Variants in USP42 observed in about 807,000 individuals in gnomAD.
USP42 encodes ubiquitin carboxyl-terminal hydrolase 42.
Under a neutral mutation model 113.0 loss-of-function variants are expected in USP42, and 23 were observed. The observed-to-expected ratio is 0.20, with a 90% CI of 0.15 to 0.29. The LOEUF (loss-of-function observed/expected upper bound fraction) is 0.29, where lower values mean the gene tolerates loss of function less well. USP42 is among the 10% of genes least tolerant of loss of function. The pLI, the probability that USP42 is intolerant of heterozygous loss-of-function variation, is 1.00. For missense variants in USP42, 2,174 were observed against 1,779.8 expected, an observed-to-expected ratio of 1.22 and a Z score of -3.99; for synonymous variants, 933 against 699.0, an observed-to-expected ratio of 1.33 and a Z score of -5.28.
chr7:6,101,283 C>T (rs1243126449), upstream of USP42, among the ~76,000 whole-genome samples: 8 of 151,170 alleles, frequency 5.3e-5, no homozygotes, highest in East Asian at 1.5e-3. Flanking sequence ...ACTGCAGGCT[C>T]CCTAAGTCTG....
chr7:6,156,493 A>G (rs1268278436), intron 15 of USP42, among the ~76,000 whole-genome samples: 1 of 152,206 alleles, frequency 6.6e-6, no homozygotes, highest in Non-Finnish European at 1.5e-5. Flanking sequence ...TCTGTTGCCC[A>G]GGCTGGAGTG....
At chr7:6,141,619 C>T (rs911989841) in intron 7 of USP42, among the ~76,000 whole-genome samples, 3 of 151,134 alleles carry the variant, frequency 2.0e-5, no homozygotes, top group South Asian at 2.1e-4. Context: ...AGTGCAGTGG[C>T]GCAATATCAG....
intron 3 of USP42, among the ~76,000 whole-genome samples, chr7:6,133,277 C>A (rs1210411528): frequency 6.6e-6 from 1 of 152,160 alleles, no homozygotes; most frequent in African/African-American, 2.4e-5. Flanking sequence ...ATTGTTATTT[C>A]TTGAAATATT....
At chr7:6,123,647 C>T (rs961073577) in intron 3 of USP42, among the ~76,000 whole-genome samples, 3 of 151,488 alleles carry the variant, frequency 2.0e-5, no homozygotes, top group African/African-American at 7.3e-5. Context: ...TGGGCGACAG[C>T]GAGACTCCAT....
At chr7:6,096,466 G>T in the USP42 span, among the ~76,000 whole-genome samples, 1 of 151,228 alleles carries the variant, frequency 6.6e-6, no homozygotes, top group Non-Finnish European at 1.5e-5. Flanking sequence ...TGCATGTGAT[G>T]GGAATGAAGC....
chr7:6,152,071 G>A (rs1027899692), intron 14 of USP42, among the ~76,000 whole-genome samples: 5 of 152,236 alleles, frequency 3.3e-5, no homozygotes, highest in African/African-American at 9.6e-5. Flanking sequence ...GAATGTGAAT[G>A]TAACGTTGGT....
At chr7:6,152,258 G>A (rs935896038) in intron 14 of USP42, among the ~76,000 whole-genome samples, 8 of 152,204 alleles carry the variant, frequency 5.3e-5, no homozygotes, top group African/African-American at 1.2e-4. Flanking sequence ...TGCCAGGCGC[G>A]GGTTCATCAT....
Position 6,150,051 on chromosome 7 carries a change from T to A in USP42, c.1855T>A (p.Ser619Thr). The A allele has an allele frequency of 6.2e-7, 1 of 1,609,700 alleles. No individual in the cohort carries two copies. The highest frequency in any genetic ancestry group is 8.5e-7 in the Non-Finnish European group (1 of 1,178,002). Residue 619 changes from serine to threonine, a missense_variant, in exon 13 of 18, where the codon TCA becomes ACA. Ser to Thr is a moderately conservative substitution (Grantham distance 58). Coordinates refer to ENST00000306177, the MANE Select transcript of USP42 (RefSeq NM_032172.3). Reference sequence around the variant, plus strand: ...GTCCTCTGAGGACTCTGACGAGGAGTCAAAGGGGCTGGGCAAGGAGAATGG... The same window carrying A: ...GTCCTCTGAGGACTCTGACGAGGAGACAAAGGGGCTGGGCAAGGAGAATGG... ...AESSEDSDEE[S>T]KGLGKENGIG...
At chr7:6,095,065 G>C in the USP42 span, among the ~76,000 whole-genome samples, 1 of 151,286 alleles carries the variant, frequency 6.6e-6, no homozygotes, top group African/African-American at 2.5e-5. Context: ...TGGCATTATA[G>C]GTGTGAGCCA....
intron 2 of USP42, among the ~76,000 whole-genome samples, chr7:6,112,143 A>G (rs1779629330): frequency 6.6e-6 from 1 of 152,148 alleles, no homozygotes; most frequent in Admixed American, 6.6e-5. Flanking sequence ...TCGTAGTAAT[A>G]AAGCTCTTTG....
At chr7:6,155,447 G>A (rs1782390756) in intron 15 of USP42, among the ~76,000 whole-genome samples, 1 of 152,180 alleles carries the variant, frequency 6.6e-6, no homozygotes, top group Non-Finnish European at 1.5e-5. Flanking sequence ...TTTTCAAAAT[G>A]ATAGTGCCAT....
At chr7:6,122,076 T>C (rs942908328) in intron 3 of USP42, among the ~76,000 whole-genome samples, 4 of 152,182 alleles carry the variant, frequency 2.6e-5, no homozygotes, top group East Asian at 1.9e-4. Context: ...TTGTGTTTTA[T>C]TGATGTTTGT....
intron 11 of USP42, among the ~76,000 whole-genome samples, chr7:6,146,528 G>A (rs1781726760): frequency 6.6e-6 from 1 of 152,050 alleles, no homozygotes; most frequent in Non-Finnish European, 1.5e-5. Flanking sequence ...GCCAGGTGTG[G>A]TGTTGTGGGC....
In USP42 at chr7:6,123,925, G is replaced by C. The variant is rs990910743; in HGVS notation, c.442+8402G>C. 4.6e-5 allele frequency among the ~76,000 whole-genome samples: 7 copies of C among 151,456 alleles called. 1 individual carries two copies. ...GAGTCTCACTTTGTCACCTATGCTG[G>C]AGTGCACTGGCATGATCTTGGCTCA... On this transcript the variant is annotated intron_variant, in intron 3 of 17. Transcript: ENST00000306177.
intron 8 of USP42, among the ~76,000 whole-genome samples, chr7:6,143,604 T>G (rs1227101964): frequency 6.6e-6 from 1 of 152,158 alleles, no homozygotes; most frequent in African/African-American, 2.4e-5. Flanking sequence ...TGTCAAATCT[T>G]CAAGACCAGA....
chr7:6,152,419 G>A (rs925776948), intron 14 of USP42, among the ~76,000 whole-genome samples: 2 of 152,212 alleles, frequency 1.3e-5, no homozygotes, highest in Non-Finnish European at 2.9e-5. Context: ...GTTTTTACCC[G>A]CACGGTTGTT....
rs1430635727 is a variant in USP42 at position 6,158,088 on chromosome 7, G to C, written c.3943+1033G>C. Reference sequence around the variant, plus strand: ...TTTGTATGAACTTGGAGTTAAGAATGGTTTTAACCTTTTTAAGTGGTTGGA... The same window carrying C: ...TTTGTATGAACTTGGAGTTAAGAATCGTTTTAACCTTTTTAAGTGGTTGGA... On this transcript the variant is annotated intron_variant, in intron 16 of 17. Transcript: ENST00000306177. This position sits in a 1 kb window ranked among gnomAD's most constrained non-coding sequence, Gnocchi z 4.2. Among the ~76,000 whole-genome samples, 1 of 152,188 alleles carries C rather than the reference G, an allele frequency of 6.6e-6. No homozygotes were observed. The highest frequency in any genetic ancestry group is 2.4e-5 in the African/African-American group (1 of 41,430).
chr7:6,150,307 G>C lies in USP42; in HGVS notation c.2106+5G>C. ...GCAAACGGTCTTCCTGGAAAGGTGA[G>C]TGCACGTCAGGGTCTTCAGCCTCGT... On this transcript the variant is annotated splice_donor_5th_base_variant and intron_variant, in intron 13 of 17. Transcript: ENST00000306177. 1 of 1,612,678 alleles carries C rather than the reference G, an allele frequency of 6.2e-7. No individual in the cohort carries two copies. Among genetic ancestry groups the C allele is most frequent in the Non-Finnish European group, 8.5e-7 (1 of 1,179,270 alleles).
At position 6,139,894 on chromosome 7, in the gene USP42, C is replaced by T. The variant is rs1583647351; in HGVS notation, c.657-234C>T. 4 of 564,954 alleles carry T rather than the reference C, an allele frequency of 7.1e-6. No individual in the cohort carries two copies. The East Asian group carries it at 1.2e-4, about 17-fold the overall frequency. 35.0% of individuals were successfully genotyped at this position (564,954 alleles called of 1,614,324 possible). ...CCTGCCTTGCTTCCCGAGTCCCTTC[C>T]TGACAGACACAGCTCCCACAGCTCT... On this transcript the variant is annotated intron_variant, in intron 5 of 17. Transcript: ENST00000306177. This position sits in a 1 kb window ranked among gnomAD's most constrained non-coding sequence, Gnocchi z 4.5.
Sources: allele counts gnomAD v4.1 joint callset (sites outside exome capture counted in the v4.1 genomes callset), GRCh38; gene constraint gnomAD v4.1.1; non-coding constraint Gnocchi (gnomAD v3.1); transcripts MANE v1.5; gene names NCBI Gene and HGNC (gene_info 2026-07-23, HGNC 2026-07-21).